The following PLXNA2 variants were observed in gnomAD, a reference collection of about 807,000 sequenced individuals.
PLXNA2 encodes the protein plexin-A2.
A neutral mutation model predicts 193.5 loss-of-function variants in PLXNA2; 91 were observed. The ratio of observed to expected loss-of-function variants is 0.47; its 90% CI spans 0.40 to 0.56. The LOEUF is 0.56. PLXNA2 is among the 20% of genes least tolerant of loss of function. The probability of loss-of-function intolerance (pLI) is 0.00; values close to 1 mark genes in which losing one functional copy is unlikely to be tolerated. For synonymous variants in PLXNA2, 997 were observed against 1,027.3 expected (o/e 0.97, Z 0.56); for missense variants, 1,995 against 2,503.2 (o/e 0.80, Z 4.33).
chr1:208,033,371 C>T lies in PLXNA2; in HGVS notation c.5003G>A (p.Arg1668Gln), dbSNP rs747157643. Residue 1668 changes from arginine (R) to glutamine (Q), a missense_variant, in exon 28 of 32, where the codon CGG becomes CAG. Transcript: ENST00000367033. ...HDHGDQKEGD[R>Q]GSKMVSEIYL... The stretch of plus-strand genomic sequence containing the variant: ...GATCTCGGACACCATCTTGCTGCCC[C>T]GGTCACCCTCCTTCTGGTCACCGTG... 7.9e-5 allele frequency: 127 copies of T among 1,611,390 alleles called. No individual in the cohort carries two copies. The highest frequency in any genetic ancestry group is 9.8e-5 in the Non-Finnish European group (116 of 1,179,172).
rs1667010747 is a variant in PLXNA2, at chr1:208,099,092, C to A, written c.1608-123G>T. Reference sequence around the variant, plus strand: ...CCTGTGTCCTGTCTTCTCAAGAAGACTTTTACTGTACTCCGGAGGGCCTTG... The same window carrying A: ...CCTGTGTCCTGTCTTCTCAAGAAGAATTTTACTGTACTCCGGAGGGCCTTG... On this transcript the variant is annotated intron_variant, in intron 5 of 31. Transcript: ENST00000367033. The A allele has an allele frequency of 4.1e-6, 5 of 1,226,582 alleles. No individual in the cohort carries two copies. In the Admixed American group the frequency reaches 9.1e-5, roughly 22 times the overall value. The allele number at this position is 1,226,582 out of a possible 1,614,324, so 76.0% of individuals were successfully genotyped here. A position where few individuals can be genotyped will look rare whatever the true frequency, so the allele number is the denominator to read the frequency against.
intron 23 of PLXNA2, 81 bp downstream of exon 23, chr1:208,039,911 C>T: frequency 1.3e-6 from 2 of 1,579,840 alleles, no homozygotes; most frequent in Non-Finnish European, 1.7e-6. Context: ...GAGGGGGTCC[C>T]CATGCAGCCC....
At chr1:208,208,417 C>T (rs1486030385) in intron 3 of PLXNA2, among the ~76,000 whole-genome samples, 1 of 152,230 alleles carries the variant, frequency 6.6e-6, no homozygotes, top group Non-Finnish European at 1.5e-5. Flanking sequence ...CTCTGGACCT[C>T]AGTTTCCCTG....
intron 1 of PLXNA2, among the ~76,000 whole-genome samples, chr1:208,224,006 C>T (rs1339012220): frequency 6.6e-6 from 1 of 152,100 alleles, no homozygotes; most frequent in African/African-American, 2.4e-5. Flanking sequence ...CATCTTTTCC[C>T]CGTGGGTGGA....
chr1:208,218,799 G>A (rs909836156), intron 1 of PLXNA2, among the ~76,000 whole-genome samples: 3 of 152,210 alleles, frequency 2.0e-5, no homozygotes, highest in South Asian at 2.1e-4. Context: ...CAAGGTGGAC[G>A]CCCAGCTGCT....
At position 208,120,930 on chromosome 1, in the gene PLXNA2, A is replaced by G. The variant is rs77193013; in HGVS notation, c.1507-17683T>C. Among the ~76,000 whole-genome samples, 568 of 152,310 alleles carry G rather than the reference A, an allele frequency of 3.7e-3. 6 individuals carry two copies. Among genetic ancestry groups the G allele is most frequent in the East Asian group, 0.036 (188 of 5,184 alleles). Reference sequence around the variant, plus strand: ...GGGCAGGGTGAAAAGTGGCCTGGGCATGAAAACGCCATAAACCAAAGCAGA... The same window carrying G: ...GGGCAGGGTGAAAAGTGGCCTGGGCGTGAAAACGCCATAAACCAAAGCAGA... On this transcript the variant is annotated intron_variant, in intron 4 of 31. Coordinates refer to ENST00000367033, the MANE Select transcript of PLXNA2 (RefSeq NM_025179.4).
intron 31 of PLXNA2, among the ~76,000 whole-genome samples, 184 bp from the exon 32 acceptor site, chr1:208,027,522 G>A (rs1395342595): frequency 6.6e-6 from 1 of 152,172 alleles, no homozygotes. Context: ...ATGTATGTAT[G>A]TATGGTGTTT....
intron 12 of PLXNA2, among the ~76,000 whole-genome samples, chr1:208,066,404 G>A (rs1360255817): frequency 3.9e-5 from 6 of 152,204 alleles, no homozygotes; most frequent in Non-Finnish European, 8.8e-5. Context: ...TCCTCTTATG[G>A]ACTACAGTCT....
intron 4 of PLXNA2, among the ~76,000 whole-genome samples, chr1:208,140,988 T>G (rs1668440855): frequency 6.6e-6 from 1 of 152,220 alleles, no homozygotes. Context: ...TCAGTGTTTA[T>G]TTCCAAGACT....
rs34413554 is a variant in PLXNA2 at position 208,209,983 on chromosome 1, A to AATTTTTTTTTT, written c.1371+296_1371+297insAAAAAAAAAAT. 8.8e-3 allele frequency: 771 copies of AATTTTTTTTTT among 87,806 alleles called. 123 individuals are homozygous for AATTTTTTTTTT. Among genetic ancestry groups the AATTTTTTTTTT allele is most frequent in the African/African-American group, 0.012 (241 of 20,874 alleles). The allele number at this position is 87,806 out of a possible 1,614,324, so 5.4% of individuals were successfully genotyped here. ...TTGCTTGATTTGGGAATGAAGAGCA[A>AATTTTTTTTTT]TTTTTTTTTTTTTTTTTTTTTGCTT... On this transcript the variant is annotated intron_variant, in intron 3 of 31. Coordinates refer to ENST00000367033, the MANE Select transcript of PLXNA2 (RefSeq NM_025179.4).
chr1:208,198,158 C>T (rs1670419396), intron 3 of PLXNA2, among the ~76,000 whole-genome samples: 1 of 152,072 alleles, frequency 6.6e-6, no homozygotes. Flanking sequence ...TTGCATAAGC[C>T]CCATAAACAG....
chr1:208,075,663 T>C (rs1229463964), intron 12 of PLXNA2, among the ~76,000 whole-genome samples: 1 of 152,260 alleles, frequency 6.6e-6, no homozygotes, highest in Non-Finnish European at 1.5e-5. Context: ...TTATTACTTG[T>C]GTACTGTGCC....
In PLXNA2 at chr1:208,236,975, C is replaced by T. The variant is rs750696362; in HGVS notation, c.-81+6668G>A. 2.6e-4 allele frequency among the ~76,000 whole-genome samples: 40 copies of T among 152,228 alleles called. No individual in the cohort carries two copies. The highest frequency in any genetic ancestry group is 4.7e-4 in the Non-Finnish European group (32 of 68,038). On this transcript the variant is annotated intron_variant, in intron 1 of 31. Transcript: ENST00000367033. This position sits in a 1 kb window ranked among gnomAD's most constrained non-coding sequence, Gnocchi z 4.4. Reference sequence around the variant, plus strand: ...CTGATGTGGCTCCCCCAGCCTCAGACGAGGTGCAGGGAGAGCATGACCTTC... The same window carrying T: ...CTGATGTGGCTCCCCCAGCCTCAGATGAGGTGCAGGGAGAGCATGACCTTC...
intron 12 of PLXNA2, among the ~76,000 whole-genome samples, chr1:208,077,714 GCAC>G (rs1260502488): frequency 3.9e-5 from 6 of 152,162 alleles, no homozygotes; most frequent in Non-Finnish European, 7.4e-5. Flanking sequence ...AGAGGCTGGG[GCAC>G]CACCAACAGC....
Position 208,024,235 on chromosome 1 carries a change from A to G in PLXNA2, c.*3008T>C, listed in dbSNP as rs1003286932. 3 of 152,144 alleles carry G rather than the reference A, an allele frequency of 2.0e-5. No homozygotes were observed. The highest frequency in any genetic ancestry group is 7.2e-5 in the African/African-American group (3 of 41,428). 9.4% of individuals were successfully genotyped at this position (152,144 alleles called of 1,614,324 possible). A position where few individuals can be genotyped will look rare whatever the true frequency, so the allele number is the denominator to read the frequency against. ...CCAAGATGAATGGCTTCTTGTGGAG[A>G]GGAGCTGTGGCTTTAACACTTCATC... On this transcript the variant is annotated 3_prime_UTR_variant, in exon 32 of 32. Coordinates refer to ENST00000367033, the MANE Select transcript of PLXNA2 (RefSeq NM_025179.4).
intron 3 of PLXNA2, among the ~76,000 whole-genome samples, chr1:208,192,573 T>TCAAA (rs1409830579): frequency 6.6e-6 from 1 of 152,068 alleles, no homozygotes; most frequent in Admixed American, 6.5e-5. Context: ...GGCCTAGAAC[T>TCAAA]CAAAGGCACA....
intron 4 of PLXNA2, among the ~76,000 whole-genome samples, chr1:208,128,517 T>G (rs540356332): frequency 4.9e-4 from 51 of 104,350 alleles, no homozygotes; most frequent in Admixed American, 1.1e-3. Context: ...TTAGAGAGGA[T>G]ACGCTAGGCC....
rs576974824 is a variant in PLXNA2 at position 208,200,765 on chromosome 1, A to AT, written c.1371+9514dup. On this transcript the variant is annotated intron_variant, in intron 3 of 31. Coordinates refer to ENST00000367033, the MANE Select transcript of PLXNA2 (RefSeq NM_025179.4). ...AGGCATCCGCCACCAGGCCCAGCTAATTTTTTTTTTTTGTATTTTTAGTAG... is the reference window on the plus strand; with the variant it reads ...AGGCATCCGCCACCAGGCCCAGCTAATTTTTTTTTTTTTGTATTTTTAGTAG... 8.3e-3 allele frequency among the ~76,000 whole-genome samples: 1,205 copies of AT among 144,982 alleles called. 5 individuals are homozygous for AT. Among genetic ancestry groups the AT allele is most frequent in the Middle Eastern group, 0.025 (7 of 282 alleles).
chr1:208,232,058 G>A (rs1484522018), intron 1 of PLXNA2, among the ~76,000 whole-genome samples: 1 of 152,186 alleles, frequency 6.6e-6, no homozygotes. Flanking sequence ...AAAAGGCCTG[G>A]GGCTGGGAGC....
Sources: allele counts gnomAD v4.1 joint callset (sites outside exome capture counted in the v4.1 genomes callset), GRCh38; gene constraint gnomAD v4.1.1; non-coding constraint Gnocchi (gnomAD v3.1); transcripts MANE v1.5; gene names NCBI Gene and HGNC (gene_info 2026-07-23, HGNC 2026-07-21).